Variants in BAIAP2L1 observed in about 807,000 individuals in gnomAD.
The protein encoded by BAIAP2L1 is BAR/IMD domain-containing adapter protein 2-like 1.
Under a neutral mutation model 66.3 loss-of-function variants are expected in BAIAP2L1, and 35 were observed. That is an observed-to-expected ratio of 0.53 (90% CI 0.40 to 0.70). BAIAP2L1 has a LOEUF of 0.70. Among genes scored for constraint, BAIAP2L1 ranks in the 30% least tolerant of loss-of-function variants. The pLI is 0.00. For synonymous variants in BAIAP2L1, 269 were observed against 248.7 expected (o/e 1.08, Z -0.77); for missense variants, 622 against 656.9 (o/e 0.95, Z 0.58).
intron 2 of BAIAP2L1, among the ~76,000 whole-genome samples, chr7:98,357,826 T>C (rs904331678): frequency 2.0e-5 from 3 of 152,154 alleles, no homozygotes; most frequent in Non-Finnish European, 4.4e-5. Flanking sequence ...AGTGGAGATA[T>C]TCTGGGACAT....
chr7:98,307,726 C>T lies in BAIAP2L1; in HGVS notation c.1126G>A (p.Asp376Asn), dbSNP rs763956818. ...VITLLIPEEK[D>N]GWLYGEHDVS... Reference sequence around the variant, plus strand: ...TCGTGTTCTCCATAGAGCCAGCCATCCTTCTCCTCGGGGATGAGCAGCGTG... The same window carrying T: ...TCGTGTTCTCCATAGAGCCAGCCATTCTTCTCCTCGGGGATGAGCAGCGTG... Residue 376 changes from aspartate (D) to asparagine (N), a missense_variant, in exon 10 of 14, where the codon GAT becomes AAT. Asp to Asn is a conservative substitution (Grantham distance 23). Transcript: ENST00000005260. 4.3e-6 allele frequency: 7 copies of T among 1,614,132 alleles called. No individual in the cohort carries two copies. The East Asian group carries it at 1.3e-4, about 31-fold the overall frequency.
intron 12 of BAIAP2L1, among the ~76,000 whole-genome samples, chr7:98,299,407 C>A (rs1291953566): frequency 2.0e-5 from 3 of 152,182 alleles, no homozygotes; most frequent in Non-Finnish European, 4.4e-5. Flanking sequence ...ATCCTCCCGC[C>A]TCGGCCTCCC....
chr7:98,351,824 GGA>G (rs1488487168), intron 3 of BAIAP2L1, among the ~76,000 whole-genome samples: 1 of 152,196 alleles, frequency 6.6e-6, no homozygotes, highest in East Asian at 1.9e-4. Flanking sequence ...GCCGATGCCA[GGA>G]GAGAGCTAAG....
chr7:98,315,572 TTC>T lies in BAIAP2L1; in HGVS notation c.525_526del (p.Lys176IlefsTer12). 1 of 1,485,884 alleles carries T rather than the reference TTC, an allele frequency of 6.7e-7. No individual in the cohort carries two copies. The allele number at this position is 1,485,884 out of a possible 1,614,324, so 92.0% of individuals were successfully genotyped here. ...CTCTTTGCAACCATCTGCAATGAAT[TTC>T]TGGATTTCACTCTGACGAGAAGTAA... On this transcript the variant is annotated frameshift_variant, in exon 7 of 14. Coordinates refer to ENST00000005260, the MANE Select transcript of BAIAP2L1 (RefSeq NM_018842.5). LOFTEE classifies it high-confidence loss of function.
At chr7:98,301,036 C>T (rs928255734) in intron 12 of BAIAP2L1, among the ~76,000 whole-genome samples, 1 of 152,166 alleles carries the variant, frequency 6.6e-6, no homozygotes, top group Non-Finnish European at 1.5e-5. Context: ...CTCTTTGTGT[C>T]CTGAGGGCTT....
At chr7:98,396,601 C>T (rs942862048) in intron 1 of BAIAP2L1, among the ~76,000 whole-genome samples, 1 of 152,132 alleles carries the variant, frequency 6.6e-6, no homozygotes, top group Non-Finnish European at 1.5e-5. Context: ...AACAACTATC[C>T]TGGCCAACAT....
Position 98,310,545 on chromosome 7 carries a change from G to A in BAIAP2L1, c.855C>T (p.Pro285=). 2 of 1,593,136 alleles carry A rather than the reference G, an allele frequency of 1.3e-6. No individual in the cohort carries two copies. The highest frequency in any genetic ancestry group is 1.7e-6 in the Non-Finnish European group (2 of 1,174,200). The change falls in exon 9 of 14, where the codon CCC becomes CCT. Residue 285 remains proline, a synonymous_variant. Transcript: ENST00000005260. ...DTLSKCSPKM[P]PAPSGRAYTS... ...TATATGCTCTGCCTGAAGGAGCGGG[G>A]GGCATCTTTGGTGAGCATTTAGAAA... is the stretch of plus-strand genomic sequence containing the variant.
chr7:98,352,745 G>A (rs1456668245), intron 3 of BAIAP2L1, among the ~76,000 whole-genome samples: 1 of 152,194 alleles, frequency 6.6e-6, no homozygotes, highest in Non-Finnish European at 1.5e-5. Context: ...TTCTAAGCCT[G>A]TGTTGTTTAT....
At chr7:98,299,971 G>C (rs1484505935) in intron 12 of BAIAP2L1, among the ~76,000 whole-genome samples, 1 of 152,222 alleles carries the variant, frequency 6.6e-6, no homozygotes, top group Non-Finnish European at 1.5e-5. Flanking sequence ...AGCCCGGGAA[G>C]TGGAGGTTGC....
At chr7:98,399,861 T>C (rs1803310772) in intron 1 of BAIAP2L1, 2 of 152,194 alleles carry the variant, frequency 1.3e-5, no homozygotes, top group Admixed American at 6.5e-5. Flanking sequence ...CGGTTGTTCT[T>C]TGACTTCAAG....
Position 98,291,659 on chromosome 7 carries a change from G to A in BAIAP2L1, c.*1862C>T. On this transcript the variant is annotated 3_prime_UTR_variant, in exon 14 of 14. Coordinates refer to ENST00000005260, the MANE Select transcript of BAIAP2L1 (RefSeq NM_018842.5). ...TTACAGCTCAAGAAAATGTTTTCAA[G>A]TTCTGCTTTATTATTAAAGTTGTAA... is the stretch of plus-strand genomic sequence containing the variant. 1 of 361,906 alleles carries A rather than the reference G, an allele frequency of 2.8e-6. No individual in the cohort carries two copies. Among genetic ancestry groups the A allele is most frequent in the Non-Finnish European group, 3.9e-6 (1 of 254,706 alleles). 22.4% of individuals were successfully genotyped at this position (361,906 alleles called of 1,614,324 possible).
In BAIAP2L1 at chr7:98,371,793, GTTTC is replaced by G. The variant is rs574084527; in HGVS notation, c.52-9365_52-9362del. ...CTTTTAAAAATTAGTTTCTCTTTTA[GTTTC>G]TTTTTTTTTTTTTCTGAGACGGAGT... is the stretch of plus-strand genomic sequence containing the variant. On this transcript the variant is annotated intron_variant, in intron 1 of 13. Coordinates refer to ENST00000005260, the MANE Select transcript of BAIAP2L1 (RefSeq NM_018842.5). Among the ~76,000 whole-genome samples the G allele has an allele frequency of 7.9e-3, 1,177 of 148,730 alleles. 22 individuals carry two copies. The highest frequency in any genetic ancestry group is 0.027 in the African/African-American group (1,093 of 40,812).
At chr7:98,329,746 G>A (rs778649131) in intron 3 of BAIAP2L1, among the ~76,000 whole-genome samples, 2 of 150,746 alleles carry the variant, frequency 1.3e-5, no homozygotes, top group Non-Finnish European at 3.0e-5. Flanking sequence ...TCTTCCAAAA[G>A]GCATCCCAGG....
At position 98,292,709 on chromosome 7, in the gene BAIAP2L1, A is replaced by G. The variant is rs1395594074; in HGVS notation, c.*812T>C. On this transcript the variant is annotated 3_prime_UTR_variant, in exon 14 of 14. Coordinates refer to ENST00000005260, the MANE Select transcript of BAIAP2L1 (RefSeq NM_018842.5). The stretch of plus-strand genomic sequence containing the variant: ...TACCTGATTCAAACACGGAGAAACC[A>G]GGACCCCGAGCAGTTTGAGTGTACT... The G allele has an allele frequency of 3.9e-6, 6 of 1,551,590 alleles. No individual in the cohort carries two copies. Among genetic ancestry groups the G allele is most frequent in the South Asian group, 1.2e-5 (1 of 84,068 alleles).
In BAIAP2L1 at chr7:98,397,158, A is replaced by G. The variant is rs146286027; in HGVS notation, c.51+3644T>C. ...ATGTAGTCTAAGGTGGGGCTGGGAG[A>G]TGGATGGAGGCGTCTGCAATCTGAG... On this transcript the variant is annotated intron_variant, in intron 1 of 13. Transcript: ENST00000005260. Among the ~76,000 whole-genome samples, 111 of 151,964 alleles carry G rather than the reference A, an allele frequency of 7.3e-4. 4 individuals carry two copies. In the East Asian group the frequency reaches 9.1e-3, roughly 12 times the overall value.
Position 98,347,524 on chromosome 7 carries a change from C to T in BAIAP2L1, c.214+7518G>A, listed in dbSNP as rs535337785. On this transcript the variant is annotated intron_variant, in intron 3 of 13. Transcript: ENST00000005260. ...GGCGCAGTGGCTCACGCCTGTAATC[C>T]CAGCACTTTGGGAGGCCGAGGTGGG... 3.3e-3 allele frequency among the ~76,000 whole-genome samples: 499 copies of T among 152,192 alleles called. 3 individuals are homozygous for T. The highest frequency in any genetic ancestry group is 0.011 in the African/African-American group (473 of 41,520).
At chr7:98,325,573 G>A (rs1584458554) in intron 3 of BAIAP2L1, among the ~76,000 whole-genome samples, 1 of 152,200 alleles carries the variant, frequency 6.6e-6, no homozygotes, top group East Asian at 1.9e-4. Context: ...AGCTACTCAG[G>A]AGGCTGAGGT....
intron 3 of BAIAP2L1, among the ~76,000 whole-genome samples, chr7:98,354,005 AAAAAATT>A (rs1802066050): frequency 6.6e-6 from 1 of 151,114 alleles, no homozygotes; most frequent in Non-Finnish European, 1.5e-5. Context: ...AAAATAAAAT[AAAAAATT>A]AAAAAATACA....
chr7:98,353,364 T>TAC (rs1472280530), intron 3 of BAIAP2L1, among the ~76,000 whole-genome samples: 1 of 139,022 alleles, frequency 7.2e-6, no homozygotes, highest in Non-Finnish European at 1.5e-5. Flanking sequence ...TTTATATATA[T>TAC]ACACATATAT....
Sources: gnomAD v4.1 joint callset for allele counts (sites outside exome capture counted in the v4.1 genomes callset) on GRCh38, gnomAD v4.1.1 for gene constraint, MANE v1.5 for transcripts, NCBI Gene and HGNC (gene_info 2026-07-23, HGNC 2026-07-21) for gene names.